The following CSMD3 variants were observed in gnomAD, a reference collection of about 807,000 sequenced individuals.
The protein encoded by CSMD3 is CUB and sushi domain-containing protein 3.
A neutral mutation model predicts 435.2 loss-of-function variants in CSMD3; 177 were observed. The ratio of observed to expected loss-of-function variants is 0.41; its 90% CI spans 0.36 to 0.46. The LOEUF (loss-of-function observed/expected upper bound fraction) is 0.46, where lower values mean the gene tolerates loss of function less well. CSMD3 is among the 20% of genes least tolerant of loss of function. The pLI, the probability that CSMD3 is intolerant of heterozygous loss-of-function variation, is 0.34. For missense variants in CSMD3, 4,265 were observed against 4,504.6 expected, an observed-to-expected ratio of 0.95 and a Z score of 1.52; for synonymous variants, 1,656 against 1,520.5, an observed-to-expected ratio of 1.09 and a Z score of -2.07.
At chr8:112,936,472 G>A (rs1416564946) in intron 9 of CSMD3, among the ~76,000 whole-genome samples, 1 of 152,046 alleles carries the variant, frequency 6.6e-6, no homozygotes, top group Admixed American at 6.5e-5. Context: ...ATATTAAACA[G>A]ACTAATAATT....
intron 13 of CSMD3, among the ~76,000 whole-genome samples, chr8:112,754,157 T>C (rs1437463310): frequency 1.3e-5 from 2 of 152,170 alleles, no homozygotes; most frequent in Non-Finnish European, 1.5e-5. Flanking sequence ...GGATCCTTTG[T>C]TCACTTAGGA....
chr8:112,345,527 T>C (rs1463020192), intron 41 of CSMD3, among the ~76,000 whole-genome samples: 1 of 152,028 alleles, frequency 6.6e-6, no homozygotes, highest in Non-Finnish European at 1.5e-5. Flanking sequence ...ATGTGGAATC[T>C]GAAAAAACTG....
intron 4 of CSMD3, among the ~76,000 whole-genome samples, chr8:113,165,985 G>C (rs1479058193): frequency 2.6e-5 from 4 of 152,030 alleles, no homozygotes; most frequent in African/African-American, 7.2e-5. Flanking sequence ...TTGATCATAA[G>C]AAACATACAT....
At chr8:112,655,985 T>G (rs1411829456) in intron 18 of CSMD3, among the ~76,000 whole-genome samples, 169 bp downstream of exon 18, 1 of 152,134 alleles carries the variant, frequency 6.6e-6, no homozygotes, top group Non-Finnish European at 1.5e-5. Flanking sequence ...GGAAAATCTA[T>G]TGCAGAATTT....
chr8:112,919,777 C>T (rs1191759422), intron 10 of CSMD3, among the ~76,000 whole-genome samples: 4 of 151,714 alleles, frequency 2.6e-5, no homozygotes, highest in Non-Finnish European at 5.9e-5. Flanking sequence ...CTATTTACTG[C>T]CATGACATTC....
intron 35 of CSMD3, among the ~76,000 whole-genome samples, chr8:112,399,798 C>A (rs1831165254): frequency 6.6e-6 from 1 of 152,092 alleles, no homozygotes; most frequent in South Asian, 2.1e-4. Context: ...CAACTTGTTC[C>A]TCATTTCCAT....
chr8:112,894,819 A>T (rs9650050), intron 10 of CSMD3, among the ~76,000 whole-genome samples: 6,252 of 151,394 alleles, frequency 0.041, 173 homozygotes, highest in Non-Finnish European at 0.06. Flanking sequence ...TTTATAATTT[A>T]GCTGGAAAAT....
intron 35 of CSMD3, among the ~76,000 whole-genome samples, chr8:112,402,268 G>A (rs1323259242): frequency 1.3e-5 from 2 of 152,126 alleles, no homozygotes; most frequent in African/African-American, 4.8e-5. Flanking sequence ...ATTCACCCAC[G>A]ACTCTTGTGC....
intron 38 of CSMD3, 30 bp from the exon 39 acceptor site, chr8:112,352,564 T>C (rs1264335051): frequency 1.3e-6 from 2 of 1,577,930 alleles, no homozygotes; most frequent in Non-Finnish European, 8.7e-7. Flanking sequence ...ACAATTTAAG[T>C]AACTTTCAAG....
At chr8:113,116,803 G>A (rs147146515) in intron 4 of CSMD3, among the ~76,000 whole-genome samples, 5 of 152,250 alleles carry the variant, frequency 3.3e-5, no homozygotes, top group Admixed American at 2.0e-4. Flanking sequence ...AGGCTGAGGT[G>A]GTCTCAGATA....
intron 22 of CSMD3, among the ~76,000 whole-genome samples, chr8:112,633,302 C>T (rs1029488983): frequency 4.4e-4 from 50 of 113,584 alleles, no homozygotes; most frequent in Non-Finnish European, 8.2e-4. Flanking sequence ...TTCCTCCCAA[C>T]TTTATCAAAG....
intron 4 of CSMD3, among the ~76,000 whole-genome samples, chr8:113,156,934 AAGAGAG>A (rs58581247): frequency 1.2e-4 from 18 of 147,860 alleles, no homozygotes; most frequent in South Asian, 2.1e-4. Flanking sequence ...TTTGTCTCAA[AAGAGAG>A]AGAGAGAGAG....
chr8:113,190,006 G>A (rs2092561472), intron 3 of CSMD3, among the ~76,000 whole-genome samples: 1 of 151,568 alleles, frequency 6.6e-6, no homozygotes, highest in South Asian at 2.1e-4. Context: ...TTTTAGAAAT[G>A]ACTCTTCATG....
rs145732018 is a variant in CSMD3 at position 112,991,225 on chromosome 8, A to AAT, written c.1031-15079_1031-15078dup. ...ATATATATATATAGTTGCTGAATTAAATATATATATATATTCCTGTAAAAC... is the reference window on the plus strand; with the variant it reads ...ATATATATATATAGTTGCTGAATTAAATATATATATATATATTCCTGTAAAAC... On this transcript the variant is annotated intron_variant, in intron 6 of 70. Coordinates refer to ENST00000297405, the MANE Select transcript of CSMD3 (RefSeq NM_198123.2). Among the ~76,000 whole-genome samples, 1,300 of 150,668 alleles carry AAT rather than the reference A, an allele frequency of 8.6e-3. 30 individuals are homozygous for AAT. The highest frequency in any genetic ancestry group is 0.029 in the African/African-American group (1,210 of 41,196).
chr8:112,477,967 C>T (rs974515120), intron 31 of CSMD3, among the ~76,000 whole-genome samples: 6 of 152,002 alleles, frequency 3.9e-5, no homozygotes, highest in Non-Finnish European at 7.4e-5. Flanking sequence ...AAGGCTTTCC[C>T]GTGCTGTTCT....
chr8:112,232,338 T>C (rs1813164929), intron 68 of CSMD3, among the ~76,000 whole-genome samples: 1 of 152,162 alleles, frequency 6.6e-6, no homozygotes, highest in Non-Finnish European at 1.5e-5. Flanking sequence ...CTAGGTGAGG[T>C]GGCTCACGCC....
Position 112,587,080 on chromosome 8 carries a change from C to T in CSMD3, c.3871G>A (p.Gly1291Arg), listed in dbSNP as rs1436335808. ...ISARTFHLAQ[G>R]DVLKIYDGKD... Reference sequence around the variant, plus strand: ...AGTTCACCTACCTTAAGAACATCTCCTTGTGCTAAATGAAATGTTCTGGCT... The same window carrying T: ...AGTTCACCTACCTTAAGAACATCTCTTTGTGCTAAATGAAATGTTCTGGCT... The change falls in exon 23 of 71, where the codon GGA (glycine) becomes AGA (arginine). Residue 1291 changes from glycine to arginine, a missense_variant. Gly to Arg is a moderately radical substitution (Grantham distance 125). Coordinates refer to ENST00000297405, the MANE Select transcript of CSMD3 (RefSeq NM_198123.2). 6.2e-7 allele frequency: 1 copy of T among 1,609,990 alleles called. No homozygotes were observed. The highest frequency in any genetic ancestry group is 2.2e-5 in the East Asian group (1 of 44,692).
At chr8:112,315,141 T>C (rs561693100) in intron 47 of CSMD3, among the ~76,000 whole-genome samples, 141 of 152,060 alleles carry the variant, frequency 9.3e-4, no homozygotes, top group Non-Finnish European at 1.7e-3. Flanking sequence ...TTAACACAGT[T>C]CTGAGTCACC....
intron 4 of CSMD3, among the ~76,000 whole-genome samples, chr8:113,121,802 A>C (rs919686205): frequency 1.3e-5 from 2 of 152,170 alleles, no homozygotes; most frequent in African/African-American, 4.8e-5. Context: ...CTAAATTTTA[A>C]GATCTCAAAA....
Sources: allele counts gnomAD v4.1 joint callset (sites outside exome capture counted in the v4.1 genomes callset), GRCh38; gene constraint gnomAD v4.1.1; transcripts MANE v1.5; gene names NCBI Gene and HGNC (gene_info 2026-07-23, HGNC 2026-07-21).